The following SGCZ variants were observed in gnomAD, a reference collection of about 807,000 sequenced individuals.
SGCZ encodes sarcoglycan zeta.
Under a neutral mutation model 41.3 loss-of-function variants are expected in SGCZ, and 40 were observed. The observed-to-expected ratio is 0.97, with a 90% CI of 0.75 to 1.26. SGCZ has a LOEUF of 1.26. SGCZ is among the 50% of genes most tolerant of loss of function. The pLI is 0.00. For missense variants in SGCZ, 552 were observed against 369.8 expected (o/e 1.49, Z -4.04); for synonymous variants, 206 against 137.5 (o/e 1.50, Z -3.49).
rs192566500 is a variant in SGCZ, at chr8:14,237,097, T to C, written c.424+495A>G. 3.4e-3 allele frequency among the ~76,000 whole-genome samples: 515 copies of C among 152,282 alleles called. 2 individuals carry two copies. Among genetic ancestry groups the C allele is most frequent in the Admixed American group, 6.3e-3 (96 of 15,294 alleles). On this transcript the variant is annotated intron_variant, in intron 4 of 7. Coordinates refer to ENST00000382080, the MANE Select transcript of SGCZ (RefSeq NM_139167.4). Reference sequence around the variant, plus strand: ...CTAGAAAAGGGATACACAGACCTAATGATGTTATCTCATGTTTCCTTAAGT... The same window carrying C: ...CTAGAAAAGGGATACACAGACCTAACGATGTTATCTCATGTTTCCTTAAGT...
intron 1 of SGCZ, among the ~76,000 whole-genome samples, chr8:14,887,203 G>A (rs962665694): frequency 1.3e-5 from 2 of 152,038 alleles, no homozygotes; most frequent in African/African-American, 4.8e-5. Flanking sequence ...ATAAATTTTA[G>A]GGTCCTCATC....
chr8:14,568,305 T>C (rs1222378898), intron 1 of SGCZ, among the ~76,000 whole-genome samples: 1 of 151,834 alleles, frequency 6.6e-6, no homozygotes, highest in Non-Finnish European at 1.5e-5. Flanking sequence ...ACCTAGATCA[T>C]GGGTTGATAG....
intron 1 of SGCZ, among the ~76,000 whole-genome samples, chr8:14,980,927 T>G (rs867694485): frequency 2.0e-5 from 3 of 152,186 alleles, no homozygotes; most frequent in Admixed American, 6.5e-5. Context: ...GCTTCTCAAT[T>G]CTACCACCTA....
At chr8:14,509,416 T>G (rs1404354582) in intron 2 of SGCZ, among the ~76,000 whole-genome samples, 1 of 152,170 alleles carries the variant, frequency 6.6e-6, no homozygotes, top group African/African-American at 2.4e-5. Flanking sequence ...TTTAAAACCT[T>G]AATATAATTG....
chr8:15,041,169 G>C, intron 1 of SGCZ, among the ~76,000 whole-genome samples: 1 of 151,152 alleles, frequency 6.6e-6, no homozygotes, highest in East Asian at 1.9e-4. Context: ...TTATAACATA[G>C]AGTTAAATTA....
chr8:14,469,753 A>G (rs1306418424), intron 2 of SGCZ, among the ~76,000 whole-genome samples: 1 of 152,070 alleles, frequency 6.6e-6, no homozygotes, highest in African/African-American at 2.4e-5. Flanking sequence ...TGATGGTTTA[A>G]TCAATCGTGT....
At chr8:15,215,927 T>A (rs1159199770) in intron 1 of SGCZ, among the ~76,000 whole-genome samples, 1 of 152,186 alleles carries the variant, frequency 6.6e-6, no homozygotes, top group Admixed American at 6.5e-5. Context: ...TGGAATGCAT[T>A]TTTCCTGCAT....
At chr8:14,696,990 G>A (rs1457186579) in intron 1 of SGCZ, among the ~76,000 whole-genome samples, 1 of 151,940 alleles carries the variant, frequency 6.6e-6, no homozygotes, top group Non-Finnish European at 1.5e-5. Flanking sequence ...ATTAGTTAAA[G>A]TAAGCTTAGC....
chr8:14,957,790 G>C (rs1182912702), intron 1 of SGCZ, among the ~76,000 whole-genome samples: 2 of 152,036 alleles, frequency 1.3e-5, no homozygotes, highest in African/African-American at 2.4e-5. Context: ...CATGGTGGAT[G>C]CTGTAGTTGG....
rs367876047 is a variant in SGCZ, at chr8:14,966,004, T to C, written c.39+271581A>G. ...TCTCAAGCAGCACTGAAAAAAGTAATAGTCTTATTGCTTTTATTATGATGA... is the reference window on the plus strand; with the variant it reads ...TCTCAAGCAGCACTGAAAAAAGTAACAGTCTTATTGCTTTTATTATGATGA... On this transcript the variant is annotated intron_variant, in intron 1 of 7. Transcript: ENST00000382080. Among the ~76,000 whole-genome samples, 16 of 151,976 alleles carry C rather than the reference T, an allele frequency of 1.1e-4. 1 individual carries two copies. The East Asian group carries it at 3.1e-3, about 29-fold the overall frequency.
At chr8:14,536,180 A>G (rs1042719183) in intron 2 of SGCZ, among the ~76,000 whole-genome samples, 5 of 151,900 alleles carry the variant, frequency 3.3e-5, no homozygotes, top group Non-Finnish European at 2.9e-5. Flanking sequence ...TGTCTTTGCA[A>G]TTATACTCTA....
intron 1 of SGCZ, among the ~76,000 whole-genome samples, chr8:14,861,261 T>C (rs1803737856): frequency 2.0e-5 from 3 of 152,134 alleles, no homozygotes; most frequent in Admixed American, 6.6e-5. Flanking sequence ...ATCACATGTG[T>C]TCAAAATAGT....
At chr8:15,121,410 G>C (rs1165716511) in intron 1 of SGCZ, among the ~76,000 whole-genome samples, 1 of 152,084 alleles carries the variant, frequency 6.6e-6, no homozygotes, top group Non-Finnish European at 1.5e-5. Flanking sequence ...AACATCAAAG[G>C]CTACAAAATG....
At chr8:15,026,136 G>T (rs1260760019) in intron 1 of SGCZ, among the ~76,000 whole-genome samples, 2 of 150,896 alleles carry the variant, frequency 1.3e-5, no homozygotes, top group African/African-American at 4.9e-5. Context: ...AAAAAAAAAG[G>T]ACTTTTGATG....
intron 1 of SGCZ, among the ~76,000 whole-genome samples, chr8:14,638,732 T>G (rs539250690): frequency 7.5e-4 from 114 of 151,956 alleles, no homozygotes; most frequent in African/African-American, 2.6e-3. Context: ...TGTAGAGAAG[T>G]GAGCAATCCT....
intron 5 of SGCZ, among the ~76,000 whole-genome samples, chr8:14,153,919 T>TCA (rs1803791584): frequency 9.3e-6 from 1 of 107,720 alleles, no homozygotes; most frequent in Non-Finnish European, 1.8e-5. Context: ...TCTCTCTCTC[T>TCA]CTCTCACACA....
chr8:14,627,253 C>T (rs144093997), intron 1 of SGCZ, among the ~76,000 whole-genome samples: 95 of 152,218 alleles, frequency 6.2e-4, no homozygotes, highest in African/African-American at 2.2e-3. Flanking sequence ...CTTTAGTTTA[C>T]GTAGTACATC....
chr8:14,465,694 A>G (rs1349716341), intron 2 of SGCZ, among the ~76,000 whole-genome samples: 1 of 151,676 alleles, frequency 6.6e-6, no homozygotes, highest in Non-Finnish European at 1.5e-5. Context: ...CATGGGGATT[A>G]TATTTAACAT....
At chr8:15,070,062 A>C (rs748505333) in intron 1 of SGCZ, among the ~76,000 whole-genome samples, 27 of 152,308 alleles carry the variant, frequency 1.8e-4, no homozygotes, top group Non-Finnish European at 2.9e-4. Context: ...GCATTCAATA[A>C]AAATTCTTCC....
Sources: gnomAD v4.1 joint callset for allele counts (sites outside exome capture counted in the v4.1 genomes callset) on GRCh38, gnomAD v4.1.1 for gene constraint, MANE v1.5 for transcripts, NCBI Gene and HGNC (gene_info 2026-07-23, HGNC 2026-07-21) for gene names.